PRRC2B: variants seen among roughly 807,000 people sequenced by gnomAD.
PRRC2B encodes the protein protein PRRC2B.
Under a neutral mutation model 242.3 loss-of-function variants are expected in PRRC2B, and 68 were observed. That is an observed-to-expected ratio of 0.28 (90% CI 0.23 to 0.34). The LOEUF is 0.34. Among genes scored for constraint, PRRC2B ranks in the 10% least tolerant of loss-of-function variants. The pLI, the probability that PRRC2B is intolerant of heterozygous loss-of-function variation, is 1.00. For synonymous variants in PRRC2B, 1,228 were observed against 1,173.6 expected, an observed-to-expected ratio of 1.05 and a Z score of -0.95; for missense variants, 2,835 against 2,954.8, an observed-to-expected ratio of 0.96 and a Z score of 0.94.
chr9:131,469,816 A>G (rs1943491111), intron 13 of PRRC2B, among the ~76,000 whole-genome samples: 1 of 152,158 alleles, frequency 6.6e-6, no homozygotes, highest in Admixed American at 6.5e-5. Context: ...GTTACTGATA[A>G]TTTGTTTACC....
chr9:131,471,081 G>C, intron 14 of PRRC2B, 98 bp downstream of exon 14: 1 of 856,674 alleles, frequency 1.2e-6, no homozygotes, highest in Non-Finnish European at 1.8e-6. Flanking sequence ...CTGGATTTTG[G>C]TCTGGCTCTT....
chr9:131,376,288 A>G (rs1474047766), intron 1 of PRRC2B, among the ~76,000 whole-genome samples: 1 of 148,808 alleles, frequency 6.7e-6, no homozygotes, highest in African/African-American at 2.5e-5. Context: ...TGGGTGGTGG[A>G]GGTTGCAGTG....
Position 131,482,174 on chromosome 9 carries a change from C to G in PRRC2B, c.4984-197C>G, listed in dbSNP as rs576957892. On this transcript the variant is annotated intron_variant, in intron 20 of 31. Transcript: ENST00000683519. The surrounding 1 kb of genome is among the most constrained non-coding windows in gnomAD (Gnocchi z 5.2). ...GGGCCCATAGAAGATCCTGTGGTCA[C>G]GAGCTCTATCGGGGTTGGTGTGTTT... 6.6e-6 allele frequency among the ~76,000 whole-genome samples: 1 copy of G among 152,196 alleles called. No individual in the cohort carries two copies. Among genetic ancestry groups the G allele is most frequent in the Non-Finnish European group, 1.5e-5 (1 of 68,034 alleles).
intron 9 of PRRC2B, among the ~76,000 whole-genome samples, chr9:131,454,615 G>T (rs1356039307): frequency 1.3e-5 from 2 of 151,942 alleles, no homozygotes; most frequent in African/African-American, 4.8e-5. Flanking sequence ...GATGGTGCCT[G>T]GGTACCACTG....
chr9:131,437,689 A>G (rs1189898601), intron 4 of PRRC2B, among the ~76,000 whole-genome samples: 2 of 152,164 alleles, frequency 1.3e-5, no homozygotes, highest in Non-Finnish European at 2.9e-5. Flanking sequence ...CTCCCCACCT[A>G]ACACTGAACC....
intron 1 of PRRC2B, among the ~76,000 whole-genome samples, chr9:131,376,233 A>G (rs1444702809): frequency 6.6e-6 from 1 of 151,724 alleles, no homozygotes; most frequent in Non-Finnish European, 1.5e-5. Flanking sequence ...GCGCGTCTGT[A>G]ATCCCAGCTA....
rs138437965 is a variant in PRRC2B at position 131,425,174 on chromosome 9, C to T, written c.-51-4920C>T. Among the ~76,000 whole-genome samples, 802 of 151,986 alleles carry T rather than the reference C, an allele frequency of 5.3e-3. 11 individuals are homozygous for T. The highest frequency in any genetic ancestry group is 0.019 in the African/African-American group (773 of 41,446). ...CTCCTTTTTGTATTTTTAGTATAGA[C>T]GGGGTTTCACCATGTTGGCCAGGCT... On this transcript the variant is annotated intron_variant, in intron 1 of 31. Coordinates refer to ENST00000683519, the MANE Select transcript of PRRC2B (RefSeq NM_013318.4).
At chr9:131,391,140 T>A (rs1280502115), upstream of PRRC2B, among the ~76,000 whole-genome samples, 1 of 151,994 alleles carries the variant, frequency 6.6e-6, no homozygotes, top group Non-Finnish European at 1.5e-5. Context: ...GTCTCCAAGG[T>A]TGTACTAGTT....
At chr9:131,468,958 G>A (rs1943468049) in intron 13 of PRRC2B, among the ~76,000 whole-genome samples, 1 of 152,142 alleles carries the variant, frequency 6.6e-6, no homozygotes, top group Non-Finnish European at 1.5e-5. Context: ...GAGAGCTCTG[G>A]AATTACTTGC....
At chr9:131,417,128 A>G (rs1837680815) in intron 1 of PRRC2B, among the ~76,000 whole-genome samples, 2 of 151,920 alleles carry the variant, frequency 1.3e-5, no homozygotes, top group Admixed American at 1.3e-4. Flanking sequence ...CATTTCTTGA[A>G]TCCCATGTTG....
In PRRC2B at chr9:131,487,430, C is replaced by T. The variant is rs893022696; in HGVS notation, c.5984+136C>T. 6 of 819,432 alleles carry T rather than the reference C, an allele frequency of 7.3e-6. No homozygotes were observed. Among genetic ancestry groups the T allele is most frequent in the Non-Finnish European group, 9.3e-6 (5 of 536,532 alleles). 50.8% of individuals were successfully genotyped at this position (819,432 alleles called of 1,614,324 possible). On this transcript the variant is annotated intron_variant, in intron 27 of 31. Transcript: ENST00000683519. This position sits in a 1 kb window ranked among gnomAD's most constrained non-coding sequence, Gnocchi z 5.3. ...GGGCGGGGAGGGGTGGGAGTTTGCT[C>T]TGAATCACTCTTCAGTCCGTTGTTA...
At chr9:131,422,356 G>T (rs1357442084) in intron 1 of PRRC2B, among the ~76,000 whole-genome samples, 1 of 152,152 alleles carries the variant, frequency 6.6e-6, no homozygotes, top group Admixed American at 6.5e-5. Flanking sequence ...ATCCTGCCGG[G>T]TGTGTTACTT....
intron 26 of PRRC2B, 87 bp downstream of exon 26, chr9:131,486,269 T>A: frequency 1.0e-6 from 1 of 983,260 alleles, no homozygotes; most frequent in Non-Finnish European, 1.5e-6. Flanking sequence ...CTATTTCTCA[T>A]TGTCTGTCTG....
rs375685501 is a variant in PRRC2B, at chr9:131,487,169, C to T, written c.5859C>T (p.Ala1953=). The change falls in exon 27 of 32, where the codon GCC becomes GCT. Residue 1953 remains alanine (A), a splice_region_variant and synonymous_variant. Coordinates refer to ENST00000683519, the MANE Select transcript of PRRC2B (RefSeq NM_013318.4). This position sits in a 1 kb window ranked among gnomAD's most constrained non-coding sequence, Gnocchi z 5.3. ...CGACCCCGTTTTCCCGTTCACAGGC[C>T]GCCGCTGCCCAGCAGATCCCGATCT... ...TIPQQQSYQQ[A]AAAQQIPISL... The T allele has an allele frequency of 5.6e-6, 9 of 1,613,508 alleles. No homozygotes were observed. The highest frequency in any genetic ancestry group is 1.1e-5 in the South Asian group (1 of 91,046).
intron 25 of PRRC2B, chr9:131,485,605 C>G: frequency 1.9e-6 from 1 of 532,046 alleles, no homozygotes. Flanking sequence ...TGCTGCCATC[C>G]TTATCGTGTG....
chr9:131,490,511 C>G (rs780745987), intron 28 of PRRC2B: 1 of 519,136 alleles, frequency 1.9e-6, no homozygotes, highest in Non-Finnish European at 3.8e-6. Flanking sequence ...TCCAATAGAT[C>G]CTTCTGACCC....
intron 1 of PRRC2B, among the ~76,000 whole-genome samples, chr9:131,399,909 T>C (rs1837184131): frequency 6.6e-6 from 1 of 152,154 alleles, no homozygotes; most frequent in African/African-American, 2.4e-5. Flanking sequence ...TAAGAGAAAC[T>C]GTAGGGAGCA....
chr9:131,481,555 C>T (rs867417337), intron 19 of PRRC2B, among the ~76,000 whole-genome samples, 171 bp from the exon 20 acceptor site: 5 of 150,986 alleles, frequency 3.3e-5, no homozygotes, highest in East Asian at 3.9e-4. Flanking sequence ...AGCTCTTCCA[C>T]GTCAGAGCCG....
chr9:131,495,517 G>A (rs535958280), intron 31 of PRRC2B, among the ~76,000 whole-genome samples: 1 of 152,236 alleles, frequency 6.6e-6, no homozygotes, highest in South Asian at 2.1e-4. Context: ...CTGCCTCTCC[G>A]AATCACTGCA....
Sources: gnomAD v4.1 joint callset for allele counts (sites outside exome capture counted in the v4.1 genomes callset) on GRCh38, gnomAD v4.1.1 for gene constraint, Gnocchi (gnomAD v3.1) non-coding constraint, MANE v1.5 for transcripts, NCBI Gene and HGNC (gene_info 2026-07-23, HGNC 2026-07-21) for gene names.